LAMA4: variants seen among roughly 807,000 people sequenced by gnomAD.
LAMA4 encodes laminin subunit alpha-4.
Under a neutral mutation model 207.1 loss-of-function variants are expected in LAMA4, and 127 were observed. The ratio of observed to expected loss-of-function variants is 0.61; its 90% CI spans 0.53 to 0.71. The LOEUF (loss-of-function observed/expected upper bound fraction) is 0.71, where lower values mean the gene tolerates loss of function less well. Ranked by LOEUF, LAMA4 falls within the 30% of genes least tolerant of loss-of-function variation. LAMA4 has a pLI of 0.00. For synonymous variants in LAMA4, 761 were observed against 816.0 expected (o/e 0.93, Z 1.15); for missense variants, 2,093 against 2,246.5 (o/e 0.93, Z 1.38).
At chr6:112,122,841 G>A (rs1292102767) in intron 31 of LAMA4, among the ~76,000 whole-genome samples, 1 of 152,122 alleles carries the variant, frequency 6.6e-6, no homozygotes, top group African/African-American at 2.4e-5. Context: ...CAAAATAAAA[G>A]TAAATGCAAA....
chr6:112,161,066 G>T (rs1215683139), intron 13 of LAMA4, among the ~76,000 whole-genome samples: 2 of 151,972 alleles, frequency 1.3e-5, no homozygotes, highest in South Asian at 2.1e-4. Context: ...ATTTTTTCTG[G>T]TCTCTTACCT....
At chr6:112,120,653 A>G (rs1778299728) in intron 32 of LAMA4, among the ~76,000 whole-genome samples, 181 bp from the exon 33 acceptor site, 1 of 152,222 alleles carries the variant, frequency 6.6e-6, no homozygotes, top group Non-Finnish European at 1.5e-5. Flanking sequence ...TAGTTCAAAA[A>G]TGTAAATTCT....
intron 9 of LAMA4, among the ~76,000 whole-genome samples, chr6:112,182,819 G>C (rs1205310811): frequency 6.6e-6 from 1 of 152,150 alleles, no homozygotes; most frequent in Admixed American, 6.5e-5. Context: ...CAGTGGCTCT[G>C]GGAACATGGA....
Position 112,217,029 on chromosome 6 carries a change from T to C in LAMA4, c.196-560A>G, listed in dbSNP as rs531081081. ...AGGGATAAGGAAGTTAATGAGTTCT[T>C]ACACTTGTCAAGTCCTGTGTGGGTG... On this transcript the variant is annotated intron_variant, in intron 2 of 38. Coordinates refer to ENST00000230538, the MANE Select transcript of LAMA4 (RefSeq NM_001105206.3). Among the ~76,000 whole-genome samples the C allele has an allele frequency of 2.6e-4, 39 of 152,330 alleles. No homozygotes were observed. The South Asian group carries it at 3.1e-3, about 12-fold the overall frequency.
chr6:112,164,527 T>G (rs1285988792), intron 13 of LAMA4, among the ~76,000 whole-genome samples: 4 of 152,102 alleles, frequency 2.6e-5, no homozygotes, highest in Non-Finnish European at 5.9e-5. Flanking sequence ...CATATGGATT[T>G]TGCTGTCACC....
Position 112,187,569 on chromosome 6 carries a change from C to T in LAMA4, c.847G>A (p.Asp283Asn). ...CDKCVWDLTDDLRLAALSIEE... is the reference protein window; with the variant it reads ...CDKCVWDLTDNLRLAALSIEE... ...ATGGAGAGCGCTGCTAACCGCAGGT[C>T]ATCAGTCAGGTCCCAGACGCACTTA... is the stretch of plus-strand genomic sequence containing the variant. Residue 283 changes from aspartate to asparagine, a missense_variant, in exon 8 of 39, where the codon GAC (aspartate) becomes AAC (asparagine). Asp to Asn is a conservative substitution (Grantham distance 23). Around this residue, in one of 3 missense-constraint regions of LAMA4, gnomAD observed 1,704 missense variants for 1,788.4 expected, o/e 0.95. Transcript: ENST00000230538. 1.2e-6 allele frequency: 2 copies of T among 1,614,086 alleles called. No homozygotes were observed. Among genetic ancestry groups the T allele is most frequent in the Non-Finnish European group, 1.7e-6 (2 of 1,179,990 alleles).
intron 2 of LAMA4, among the ~76,000 whole-genome samples, chr6:112,232,799 A>G (rs1785648815): frequency 6.6e-6 from 1 of 152,246 alleles, no homozygotes. Context: ...AATAATACAC[A>G]TTTATGAAAG....
chr6:112,242,496 G>C (rs1309354885), intron 2 of LAMA4, among the ~76,000 whole-genome samples: 4 of 152,144 alleles, frequency 2.6e-5, no homozygotes, highest in African/African-American at 7.2e-5. Flanking sequence ...TGAGAGCCTA[G>C]CATTTCTCAT....
intron 2 of LAMA4, among the ~76,000 whole-genome samples, chr6:112,222,460 C>G (rs1554360861): frequency 6.6e-6 from 1 of 152,152 alleles, no homozygotes; most frequent in Non-Finnish European, 1.5e-5. Context: ...ATCCGCCATG[C>G]CTTGCTCAGC....
chr6:112,183,965 A>G (rs974190398), intron 9 of LAMA4, among the ~76,000 whole-genome samples: 10 of 151,412 alleles, frequency 6.6e-5, no homozygotes, highest in African/African-American at 1.7e-4. Context: ...AAAAAAAAAA[A>G]AAAAGAAAAA....
At chr6:112,147,777 G>T (rs1302515880) in intron 18 of LAMA4, among the ~76,000 whole-genome samples, 1 of 152,152 alleles carries the variant, frequency 6.6e-6, no homozygotes, top group Non-Finnish European at 1.5e-5. Flanking sequence ...TAGAAGCAAT[G>T]CCATTTAGTA....
chr6:112,134,862 C>T (rs782249673), intron 25 of LAMA4, among the ~76,000 whole-genome samples: 35 of 151,774 alleles, frequency 2.3e-4, no homozygotes, highest in Non-Finnish European at 3.5e-4. Flanking sequence ...AAAAATTTTG[C>T]GATTAGACCT....
chr6:112,206,927 CT>C, intron 4 of LAMA4, 93 bp downstream of exon 4: 11 of 1,491,828 alleles, frequency 7.4e-6, no homozygotes, highest in Middle Eastern at 3.4e-4. Flanking sequence ...GTGGAGAAAC[CT>C]CAGAACTCTG....
Position 112,179,852 on chromosome 6 carries a change from G to T in LAMA4, c.1078-1620C>A, listed in dbSNP as rs540559491. On this transcript the variant is annotated intron_variant, in intron 9 of 38. Coordinates refer to ENST00000230538, the MANE Select transcript of LAMA4 (RefSeq NM_001105206.3). ...CTGTGCAGCGGCAATGTGGTCATCA[G>T]TCCCTTCATAAACTGTGGGCTCTCT... The T allele has an allele frequency of 1.7e-5, 9 of 521,294 alleles. No homozygotes were observed. In the African/African-American group the frequency reaches 1.7e-4, roughly 10 times the overall value. The allele number at this position is 521,294 out of a possible 1,614,324, so 32.3% of individuals were successfully genotyped here. A position where few individuals can be genotyped will look rare whatever the true frequency, so the allele number is the denominator to read the frequency against.
chr6:112,220,139 C>A (rs573776234), intron 2 of LAMA4, among the ~76,000 whole-genome samples: 1 of 152,138 alleles, frequency 6.6e-6, no homozygotes, highest in South Asian at 2.1e-4. Flanking sequence ...ATATGAAAAC[C>A]ATTGAATGGG....
chr6:112,166,863 C>CA (rs1781411323), intron 12 of LAMA4, among the ~76,000 whole-genome samples: 1 of 151,844 alleles, frequency 6.6e-6, no homozygotes, highest in East Asian at 1.9e-4. Context: ...ATTACATATG[C>CA]AAAAAAATAG....
intron 2 of LAMA4, among the ~76,000 whole-genome samples, chr6:112,232,966 A>G (rs1295412275): frequency 2.0e-5 from 3 of 152,232 alleles, no homozygotes; most frequent in East Asian, 3.8e-4. Context: ...ATTCAGCAAC[A>G]GCCCAGATTT....
intron 12 of LAMA4, among the ~76,000 whole-genome samples, chr6:112,168,090 C>G (rs1781493614): frequency 6.6e-6 from 1 of 150,982 alleles, no homozygotes; most frequent in Non-Finnish European, 1.5e-5. Context: ...CCCAGCTACT[C>G]AGGAGGCTGA....
At chr6:112,240,135 G>A (rs1264851692) in intron 2 of LAMA4, among the ~76,000 whole-genome samples, 1 of 152,172 alleles carries the variant, frequency 6.6e-6, no homozygotes, top group Non-Finnish European at 1.5e-5. Context: ...CATTTGTAAA[G>A]AAACATTTTA....
Sources: gnomAD v4.1 joint callset for allele counts (sites outside exome capture counted in the v4.1 genomes callset) on GRCh38, gnomAD v4.1.1 for gene constraint, gnomAD v4.1.1 regional missense constraint, MANE v1.5 for transcripts, NCBI Gene and HGNC (gene_info 2026-07-23, HGNC 2026-07-21) for gene names.